Variants in ARMC2 observed in about 807,000 individuals in gnomAD.
ARMC2 encodes armadillo repeat-containing protein 2.
A neutral mutation model predicts 90.3 loss-of-function variants in ARMC2; 67 were observed. The observed-to-expected ratio is 0.74, with a 90% CI of 0.61 to 0.91. The LOEUF is 0.91. Ranked by LOEUF, ARMC2 falls within the 40% of genes least tolerant of loss-of-function variation. ARMC2 has a pLI of 0.00. For synonymous variants in ARMC2, 393 were observed against 393.0 expected (o/e 1.00, Z 0.00); for missense variants, 920 against 1,030.9 (o/e 0.89, Z 1.47).
intron 5 of ARMC2, among the ~76,000 whole-genome samples, chr6:108,881,824 C>T (rs914035152): frequency 1.3e-5 from 2 of 152,058 alleles, no homozygotes; most frequent in Non-Finnish European, 2.9e-5. Context: ...ACATATACTC[C>T]CAGGTCAGCA....
chr6:109,013,971 C>G, the ARMC2 span, among the ~76,000 whole-genome samples: 1 of 151,256 alleles, frequency 6.6e-6, no homozygotes, highest in African/African-American at 2.4e-5. Context: ...CCTTTTAGCA[C>G]TGAACTTTAA....
At chr6:108,935,556 C>T (rs1775889832) in intron 11 of ARMC2, among the ~76,000 whole-genome samples, 1 of 152,114 alleles carries the variant, frequency 6.6e-6, no homozygotes, top group Admixed American at 6.6e-5. Context: ...ATTCTCCTGC[C>T]TCAACCTGCA....
At chr6:108,875,513 G>A (rs2128437679) in intron 4 of ARMC2, among the ~76,000 whole-genome samples, 1 of 152,166 alleles carries the variant, frequency 6.6e-6, no homozygotes, top group African/African-American at 2.4e-5. Context: ...TGGCCCTGGT[G>A]GCTGGATGCC....
the ARMC2 span, among the ~76,000 whole-genome samples, chr6:109,025,841 G>A: frequency 6.7e-6 from 1 of 150,262 alleles, no homozygotes; most frequent in East Asian, 2.0e-4. Flanking sequence ...GAAATAGAAG[G>A]TCTAATACAT....
At chr6:108,990,350 G>A in the ARMC2 span, among the ~76,000 whole-genome samples, 1 of 152,224 alleles carries the variant, frequency 6.6e-6, no homozygotes, top group Non-Finnish European at 1.5e-5. Context: ...TACTAAAGGT[G>A]TTCAGTTACA....
chr6:108,932,044 C>T (rs769735153), intron 11 of ARMC2, among the ~76,000 whole-genome samples: 8 of 151,752 alleles, frequency 5.3e-5, no homozygotes, highest in Non-Finnish European at 7.4e-5. Context: ...GGATTATAGG[C>T]GTGAGCCACC....
the ARMC2 span, chr6:109,000,231 T>C: frequency 3.5e-6 from 1 of 284,000 alleles, no homozygotes; most frequent in Non-Finnish European, 6.5e-6. Context: ...TGCGTGACAT[T>C]AGGCATTTGT....
At chr6:109,044,370 G>C in the ARMC2 span, among the ~76,000 whole-genome samples, 1 of 136,370 alleles carries the variant, frequency 7.3e-6, no homozygotes, top group African/African-American at 2.8e-5. Flanking sequence ...CAATTCAATG[G>C]AGAAAGGAAG....
At chr6:108,890,661 C>G (rs1258503612) in intron 5 of ARMC2, among the ~76,000 whole-genome samples, 3 of 152,194 alleles carry the variant, frequency 2.0e-5, no homozygotes, top group African/African-American at 7.2e-5. Context: ...ACTCAGGCAG[C>G]TTGGCTTCAG....
At chr6:108,957,515 GAGTTGCTGC>G (rs1390880500) in intron 13 of ARMC2, among the ~76,000 whole-genome samples, 1 of 152,192 alleles carries the variant, frequency 6.6e-6, no homozygotes, top group Non-Finnish European at 1.5e-5. Flanking sequence ...ACTGAACTCA[GAGTTGCTGC>G]TGTCCTGTTT....
chr6:108,975,189 T>A (rs1339321226), downstream of ARMC2, among the ~76,000 whole-genome samples: 3 of 152,008 alleles, frequency 2.0e-5, no homozygotes, highest in African/African-American at 7.3e-5. Flanking sequence ...CAGTGTGTGA[T>A]GTTCCCCTCT....
chr6:108,862,835 C>T lies in ARMC2; in HGVS notation c.291+4564C>T, dbSNP rs187182050. Among the ~76,000 whole-genome samples, 521 of 152,312 alleles carry T rather than the reference C, an allele frequency of 3.4e-3. 6 individuals are homozygous for T. The highest frequency in any genetic ancestry group is 0.012 in the African/African-American group (505 of 41,574). On this transcript the variant is annotated intron_variant, in intron 3 of 17. Coordinates refer to ENST00000392644, the MANE Select transcript of ARMC2 (RefSeq NM_032131.6). ...AGACCAGTTTGCCTTTTAACAAGTC[C>T]TCCACCAGCAGTCAGTCAGGGAACA...
the ARMC2 span, among the ~76,000 whole-genome samples, chr6:109,039,438 T>C: frequency 6.6e-6 from 1 of 152,346 alleles, no homozygotes; most frequent in East Asian, 1.9e-4. Flanking sequence ...CATCATTGTA[T>C]TTCACGATTT....
the ARMC2 span, among the ~76,000 whole-genome samples, chr6:108,995,759 G>A: frequency 3.3e-5 from 5 of 152,116 alleles, no homozygotes; most frequent in Admixed American, 3.3e-4. Context: ...ATTCCAGCCT[G>A]GACAACAGAG....
At chr6:108,969,550 A>T (rs1778614672) in intron 17 of ARMC2, among the ~76,000 whole-genome samples, 1 of 152,246 alleles carries the variant, frequency 6.6e-6, no homozygotes, top group South Asian at 2.1e-4. Flanking sequence ...AAAACAATTT[A>T]GTTGGTTGTG....
At chr6:108,853,881 T>C (rs545507475) in intron 1 of ARMC2, among the ~76,000 whole-genome samples, 6 of 145,838 alleles carry the variant, frequency 4.1e-5, no homozygotes, top group Admixed American at 1.4e-4. Context: ...AAAAGGAAAC[T>C]GTAAACATTT....
chr6:109,004,253 A>G, the ARMC2 span, among the ~76,000 whole-genome samples: 1 of 152,232 alleles, frequency 6.6e-6, no homozygotes, highest in Non-Finnish European at 1.5e-5. Flanking sequence ...ACAAAAGCCA[A>G]AAGTCATAAA....
At chr6:108,892,509 C>T (rs922097246) in intron 5 of ARMC2, among the ~76,000 whole-genome samples, 4 of 151,782 alleles carry the variant, frequency 2.6e-5, no homozygotes, top group Non-Finnish European at 4.4e-5. Flanking sequence ...CCTGTTATCC[C>T]AGCATTTTGG....
chr6:108,899,505 G>A (rs1472896246), intron 6 of ARMC2, among the ~76,000 whole-genome samples, 189 bp from the exon 7 acceptor site: 10 of 152,160 alleles, frequency 6.6e-5, no homozygotes, highest in African/African-American at 2.4e-4. Context: ...TATCCAGTCT[G>A]AGTTTAATTT....
Sources: allele counts gnomAD v4.1 joint callset (sites outside exome capture counted in the v4.1 genomes callset), GRCh38; gene constraint gnomAD v4.1.1; transcripts MANE v1.5; gene names NCBI Gene and HGNC (gene_info 2026-07-23, HGNC 2026-07-21).